The following YAE1 variants were observed in gnomAD, a reference collection of about 807,000 sequenced individuals.
YAE1 encodes YAE1 maturation factor of ABCE1.
In YAE1, 22 loss-of-function variants were observed where a neutral mutation model predicts 23.0. That is an observed-to-expected ratio of 0.96 (90% CI 0.68 to 1.37). The LOEUF is 1.37. Ranked by LOEUF, YAE1 falls within the 40% of genes most tolerant of loss-of-function variation. The probability of loss-of-function intolerance (pLI) is 0.00; values close to 1 mark genes in which losing one functional copy is unlikely to be tolerated. For synonymous variants in YAE1, 101 were observed against 97.0 expected (o/e 1.04, Z -0.24); for missense variants, 260 against 262.1 (o/e 0.99, Z 0.06).
chr7:39,608,285 C>T lies in YAE1; in HGVS notation c.252-1332C>T, dbSNP rs534464667. ...TTTAACGCCTATAAAATATTCAGCA[C>T]AGCACCCTAGGGAAGTTAAAAATTG... On this transcript the variant is annotated intron_variant, in intron 2 of 2. Transcript: ENST00000432096. 2.6e-5 allele frequency among the ~76,000 whole-genome samples: 4 copies of T among 152,296 alleles called. No individual in the cohort carries two copies. The South Asian group carries it at 8.3e-4, about 32-fold the overall frequency.
chr7:39,609,963 A>G (rs747425803), exon 3 of YAE1: 7 of 1,519,296 alleles, frequency 4.6e-6, no homozygotes, highest in Non-Finnish European at 6.1e-6. Flanking sequence ...TAATAGAATC[A>G]TTATCAGAGG....
intron 1 of YAE1, chr7:39,570,196 C>A: frequency 6.1e-6 from 4 of 658,912 alleles, no homozygotes; most frequent in South Asian, 1.9e-5. Context: ...TGGAGGGTGC[C>A]ATGTCTGCCG....
downstream of YAE1, among the ~76,000 whole-genome samples, chr7:39,575,537 G>GGAGAGAGAGAGAGAGGGA (rs1790638939): frequency 4.6e-5 from 6 of 131,284 alleles, no homozygotes; most frequent in African/African-American, 1.7e-4. Context: ...CTAAGATACA[G>GGAGAGAGAGAGAGAGGGA]GAGAGAGAGA....
chr7:39,576,303 T>TA (rs1554291595), downstream of YAE1, among the ~76,000 whole-genome samples: 2 of 152,242 alleles, frequency 1.3e-5, no homozygotes, highest in Non-Finnish European at 2.9e-5. Context: ...TTCTGTCTCT[T>TA]ACCAATATTA....
chr7:39,603,428 G>A (rs534467654), intron 2 of YAE1, among the ~76,000 whole-genome samples: 5 of 152,288 alleles, frequency 3.3e-5, no homozygotes, highest in South Asian at 2.1e-4. Context: ...GTGAGCCACC[G>A]CGCCCGGCTC....
chr7:39,569,720 C>T (rs1013297581), intron 1 of YAE1: 18 of 727,178 alleles, frequency 2.5e-5, no homozygotes, highest in Admixed American at 7.0e-5. Flanking sequence ...TCCTGATCCA[C>T]GTAGATAGCT....
At chr7:39,609,858 C>A (rs1309337226) in exon 3 of YAE1, 3 of 1,533,568 alleles carry the variant, frequency 2.0e-6, no homozygotes, top group African/African-American at 2.7e-5. Flanking sequence ...CCACCGCCGG[C>A]GTTTCAGACG....
chr7:39,575,402 C>A (rs1303183795), downstream of YAE1, among the ~76,000 whole-genome samples: 1 of 152,124 alleles, frequency 6.6e-6, no homozygotes, highest in African/African-American at 2.4e-5. Context: ...TAATATATAT[C>A]CTTTACACTA....
chr7:39,587,038 CTTTCTTT>C (rs1790829420), intron 2 of YAE1, among the ~76,000 whole-genome samples: 7 of 132,784 alleles, frequency 5.3e-5, no homozygotes, highest in Non-Finnish European at 1.0e-4. Context: ...CTTTCTCTTT[CTTTCTTT>C]TCTTTCTTTC....
chr7:39,569,789 G>C, intron 1 of YAE1: 1 of 763,502 alleles, frequency 1.3e-6, no homozygotes, highest in Non-Finnish European at 2.4e-6. Flanking sequence ...ATGATGAAAC[G>C]GGTTCAATAC....
chr7:39,571,276 CTTTT>C (rs58497539), intron 2 of YAE1, among the ~76,000 whole-genome samples: 1 of 135,962 alleles, frequency 7.4e-6, no homozygotes, highest in Admixed American at 7.4e-5. Flanking sequence ...TTTCTTTTTT[CTTTT>C]TTTTTTTTTT....
chr7:39,607,443 A>T (rs1211353431), intron 2 of YAE1, among the ~76,000 whole-genome samples: 4 of 149,266 alleles, frequency 2.7e-5, no homozygotes, highest in African/African-American at 1.0e-4. Context: ...TTGGCTTGGT[A>T]TTGCTGGATT....
chr7:39,612,039 A>T (rs1791227308), downstream of YAE1, among the ~76,000 whole-genome samples: 2 of 152,348 alleles, frequency 1.3e-5, no homozygotes, highest in South Asian at 4.1e-4. Context: ...GTACATTTTC[A>T]TTATATGGTG....
chr7:39,593,887 T>C (rs1056273232), intron 2 of YAE1, among the ~76,000 whole-genome samples: 1 of 152,242 alleles, frequency 6.6e-6, no homozygotes, highest in Non-Finnish European at 1.5e-5. Context: ...AATTACAATA[T>C]ATGAAGCATT....
At chr7:39,602,858 C>T (rs544922017) in intron 2 of YAE1, among the ~76,000 whole-genome samples, 5 of 152,152 alleles carry the variant, frequency 3.3e-5, no homozygotes, top group Non-Finnish European at 7.3e-5. Flanking sequence ...AAGCAATTCT[C>T]GTGCCTCGAT....
intron 2 of YAE1, among the ~76,000 whole-genome samples, chr7:39,594,442 C>G (rs931232604): frequency 6.6e-6 from 1 of 152,158 alleles, no homozygotes; most frequent in Admixed American, 6.6e-5. Flanking sequence ...TCACCCAATG[C>G]CTTTCTTTTC....
Position 39,569,512 on chromosome 7 carries a change from T to C in YAE1, c.130-994T>C. On this transcript the variant is annotated intron_variant, in intron 1 of 2. Transcript: ENST00000223273. ...GCCTCTTGTTCTTCCTCCAGTTTTTTCAAAGGTTGAGCAGATTCTGATAAT... is the reference window on the plus strand; with the variant it reads ...GCCTCTTGTTCTTCCTCCAGTTTTTCCAAAGGTTGAGCAGATTCTGATAAT... The C allele has an allele frequency of 8.0e-6, 4 of 498,194 alleles. 1 individual carries two copies. The highest frequency in any genetic ancestry group is 6.7e-5 in the South Asian group (4 of 59,738). The allele number at this position is 498,194 out of a possible 1,614,324, so 30.9% of individuals were successfully genotyped here. A position where few individuals can be genotyped will look rare whatever the true frequency, so the allele number is the denominator to read the frequency against.
intron 2 of YAE1, among the ~76,000 whole-genome samples, chr7:39,581,381 A>G (rs10429136): frequency 0.017 from 2,562 of 152,350 alleles, 85 homozygotes; most frequent in African/African-American, 0.059. Flanking sequence ...ATTTGACAAT[A>G]GTATAATGAT....
chr7:39,606,211 G>A (rs1281820342), intron 2 of YAE1, among the ~76,000 whole-genome samples: 1 of 152,064 alleles, frequency 6.6e-6, no homozygotes, highest in Non-Finnish European at 1.5e-5. Flanking sequence ...TAAGCACAAA[G>A]AGTCAGAAGT....
Sources: gnomAD v4.1 joint callset for allele counts (sites outside exome capture counted in the v4.1 genomes callset) on GRCh38, gnomAD v4.1.1 for gene constraint, MANE v1.5 for transcripts, NCBI Gene and HGNC (gene_info 2026-07-23, HGNC 2026-07-21) for gene names.